PTPRD: variants seen among roughly 807,000 people sequenced by gnomAD.
PTPRD encodes receptor-type tyrosine-protein phosphatase delta.
In PTPRD, 34 loss-of-function variants were observed where a neutral mutation model predicts 214.5. That is an observed-to-expected ratio of 0.16 (90% CI 0.12 to 0.21). The LOEUF (loss-of-function observed/expected upper bound fraction) is 0.21. Ranked by LOEUF, PTPRD falls within the 10% of genes least tolerant of loss-of-function variation. The pLI is 1.00. For synonymous variants in PTPRD, 1,128 were observed against 845.7 expected (o/e 1.33, Z -5.79); for missense variants, 2,545 against 2,398.7 (o/e 1.06, Z -1.27).
At chr9:9,558,380 A>T (rs138381470) in intron 8 of PTPRD, among the ~76,000 whole-genome samples, 148 of 152,242 alleles carry the variant, frequency 9.7e-4, no homozygotes, top group African/African-American at 3.4e-3. Context: ...CCTATCCTTG[A>T]CTAAGGCACA....
intron 5 of PTPRD, among the ~76,000 whole-genome samples, chr9:9,933,659 G>C (rs1433401090): frequency 9.4e-5 from 14 of 148,300 alleles, no homozygotes; most frequent in Non-Finnish European, 2.1e-4. Context: ...GTCAACATTA[G>C]ACAGATCAAC....
intron 14 of PTPRD, among the ~76,000 whole-genome samples, chr9:8,548,176 G>C (rs2080832401): frequency 6.6e-6 from 1 of 152,190 alleles, no homozygotes; most frequent in Admixed American, 6.5e-5. Flanking sequence ...GTCCAGGAAA[G>C]ATTAAATAAG....
At chr9:9,104,527 G>A (rs541846134) in intron 10 of PTPRD, among the ~76,000 whole-genome samples, 16 of 152,242 alleles carry the variant, frequency 1.1e-4, no homozygotes, top group South Asian at 4.1e-4. Flanking sequence ...TTGCAAAACC[G>A]TTATTTCCAA....
intron 39 of PTPRD, among the ~76,000 whole-genome samples, chr9:8,362,234 A>G (rs2078688611): frequency 6.6e-6 from 1 of 152,246 alleles, no homozygotes; most frequent in Non-Finnish European, 1.5e-5. Context: ...TAACTGGACT[A>G]CATTCACAGA....
intron 10 of PTPRD, among the ~76,000 whole-genome samples, chr9:9,079,486 C>T (rs2099755991): frequency 6.6e-6 from 1 of 152,036 alleles, no homozygotes. Context: ...GATGTCTCTT[C>T]GATCTTCTTT....
At chr9:9,770,139 G>T (rs961761617) in intron 5 of PTPRD, among the ~76,000 whole-genome samples, 1 of 152,114 alleles carries the variant, frequency 6.6e-6, no homozygotes, top group Non-Finnish European at 1.5e-5. Context: ...TGAGATTGCT[G>T]GGTCAAATGG....
intron 4 of PTPRD, among the ~76,000 whole-genome samples, chr9:10,007,621 A>G (rs1185322752): frequency 6.6e-6 from 1 of 151,950 alleles, no homozygotes; most frequent in Non-Finnish European, 1.5e-5. Context: ...TCTCTTCCAC[A>G]TCAAAATTGT....
chr9:9,172,693 C>T (rs2099922209), intron 10 of PTPRD, among the ~76,000 whole-genome samples: 1 of 151,956 alleles, frequency 6.6e-6, no homozygotes, highest in African/African-American at 2.4e-5. Flanking sequence ...CATTCTTGGC[C>T]CCTCTCCTCT....
chr9:9,369,870 C>G (rs2058960687), intron 9 of PTPRD, among the ~76,000 whole-genome samples: 1 of 152,128 alleles, frequency 6.6e-6, no homozygotes, highest in African/African-American at 2.4e-5. Context: ...AATAGGGAAT[C>G]CTTTCCCCAT....
intron 3 of PTPRD, among the ~76,000 whole-genome samples, chr9:10,316,754 A>T (rs1206495170): frequency 6.6e-6 from 1 of 151,972 alleles, no homozygotes; most frequent in African/African-American, 2.4e-5. Context: ...GATTATTCTA[A>T]TCTAAAAAAG....
chr9:10,009,583 A>G (rs1382902909), intron 4 of PTPRD, among the ~76,000 whole-genome samples: 1 of 151,954 alleles, frequency 6.6e-6, no homozygotes, highest in African/African-American at 2.4e-5. Context: ...ATGAAGTCTC[A>G]TAGGTGCCTA....
chr9:10,323,593 G>A (rs1224449918), intron 3 of PTPRD, among the ~76,000 whole-genome samples: 1 of 151,536 alleles, frequency 6.6e-6, no homozygotes, highest in Non-Finnish European at 1.5e-5. Context: ...TTCTACATCT[G>A]GGCAAAGATG....
chr9:8,351,799 C>T (rs1423038365), intron 39 of PTPRD, among the ~76,000 whole-genome samples: 2 of 146,970 alleles, frequency 1.4e-5, no homozygotes, highest in Non-Finnish European at 1.5e-5. Flanking sequence ...TGACCCAGAG[C>T]CATGATCACT....
chr9:10,201,896 A>G (rs1177051629), intron 3 of PTPRD, among the ~76,000 whole-genome samples: 1 of 144,478 alleles, frequency 6.9e-6, no homozygotes, highest in Non-Finnish European at 1.5e-5. Context: ...AATTTTCAGT[A>G]AACTTTTTTT....
intron 2 of PTPRD, among the ~76,000 whole-genome samples, chr9:10,484,385 A>G (rs1351510985): frequency 1.3e-5 from 2 of 152,028 alleles, no homozygotes; most frequent in East Asian, 3.9e-4. Context: ...TCCAGACTTT[A>G]CCACTATACA....
chr9:9,181,470 T>C (rs2131424249), intron 10 of PTPRD, among the ~76,000 whole-genome samples: 1 of 152,094 alleles, frequency 6.6e-6, no homozygotes. Context: ...CCTGATGCTC[T>C]AAATTTTAAT....
chr9:8,596,126 T>A (rs1293158622), intron 14 of PTPRD, among the ~76,000 whole-genome samples: 3 of 152,088 alleles, frequency 2.0e-5, no homozygotes, highest in African/African-American at 7.2e-5. Context: ...TTCATAGTAA[T>A]GCAGGGTAAT....
chr9:9,067,660 T>C (rs1449144026), intron 10 of PTPRD, among the ~76,000 whole-genome samples: 1 of 152,230 alleles, frequency 6.6e-6, no homozygotes, highest in Non-Finnish European at 1.5e-5. Context: ...TGTTATAATA[T>C]AGATTTGCAT....
At chr9:9,274,716 T>C (rs903384302) in intron 9 of PTPRD, among the ~76,000 whole-genome samples, 1 of 151,136 alleles carries the variant, frequency 6.6e-6, no homozygotes, top group African/African-American at 2.4e-5. Context: ...GTAGAATAAT[T>C]GGTGTCTTAA....
Sources: allele counts gnomAD v4.1 joint callset (sites outside exome capture counted in the v4.1 genomes callset), GRCh38; gene constraint gnomAD v4.1.1; transcripts MANE v1.5; gene names NCBI Gene and HGNC (gene_info 2026-07-23, HGNC 2026-07-21).